Variants in COPS8 observed in about 807,000 individuals in gnomAD.
COPS8 encodes COP9 signalosome subunit 8.
A neutral mutation model predicts 31.5 loss-of-function variants in COPS8; 11 were observed. The ratio of observed to expected loss-of-function variants is 0.35; its 90% CI spans 0.22 to 0.58. COPS8 has a LOEUF of 0.58. Among genes scored for constraint, COPS8 ranks in the 20% least tolerant of loss-of-function variants. The probability of loss-of-function intolerance (pLI) is 0.83; values close to 1 mark genes in which losing one functional copy is unlikely to be tolerated. For missense variants in COPS8, 215 were observed against 255.1 expected (o/e 0.84, Z 1.07); for synonymous variants, 81 against 89.3 (o/e 0.91, Z 0.52).
chr2:237,086,319 A>T (rs1379589041), intron 1 of COPS8, among the ~76,000 whole-genome samples: 1 of 152,088 alleles, frequency 6.6e-6, no homozygotes, highest in East Asian at 1.9e-4. Context: ...GCTCATATTA[A>T]TTAGGCATCT....
intron 3 of COPS8, among the ~76,000 whole-genome samples, 200 bp from the exon 4 acceptor site, chr2:237,089,662 C>T (rs1290815318): frequency 6.6e-6 from 1 of 152,132 alleles, no homozygotes; most frequent in Admixed American, 6.6e-5. Context: ...TAAATTTTAC[C>T]TTACTGCTCA....
intron 4 of COPS8, among the ~76,000 whole-genome samples, chr2:237,091,202 G>A (rs1475940658): frequency 6.6e-6 from 1 of 152,126 alleles, no homozygotes; most frequent in Non-Finnish European, 1.5e-5. Context: ...CCATGAGATT[G>A]AGAATTCCTG....
At chr2:237,086,375 A>C (rs1696612510) in intron 1 of COPS8, among the ~76,000 whole-genome samples, 3 of 152,096 alleles carry the variant, frequency 2.0e-5, no homozygotes, top group Admixed American at 2.0e-4. Flanking sequence ...AGTGGGTTTT[A>C]TTAAAGATCT....
rs186870946 is a variant in COPS8 at position 237,088,445 on chromosome 2, C to T, written c.150-160C>T. Reference sequence around the variant, plus strand: ...CATGTCCTTTTTATCTGGAAAACCACTATTGTTTCCCCAAAACAAATTCAT... The same window carrying T: ...CATGTCCTTTTTATCTGGAAAACCATTATTGTTTCCCCAAAACAAATTCAT... On this transcript the variant is annotated intron_variant, in intron 2 of 7. Coordinates refer to ENST00000354371, the MANE Select transcript of COPS8 (RefSeq NM_006710.5). 3.3e-4 allele frequency among the ~76,000 whole-genome samples: 51 copies of T among 152,302 alleles called. No individual in the cohort carries two copies. The East Asian group carries it at 6.4e-3, about 19-fold the overall frequency.
intron 2 of COPS8, among the ~76,000 whole-genome samples, chr2:237,088,388 A>C (rs1226201284): frequency 6.6e-6 from 1 of 152,232 alleles, no homozygotes; most frequent in African/African-American, 2.4e-5. Context: ...ATTCACTAGA[A>C]ATGGCAAAAT....
In COPS8 at chr2:237,086,036, G is replaced by A; in HGVS notation, c.72G>A (p.Glu24=). ...TGCTGGATCAGTGCGAGAACCAGGA[G>A]CTCGAGGTAACCCTTTGCGTCGCGC... is the stretch of plus-strand genomic sequence containing the variant. The part of the protein sequence containing the change: ...KKLLDQCENQ[E]LEAPGGIATP... Residue 24 remains glutamate (E), a synonymous_variant, in exon 1 of 8, where the codon GAG becomes GAA. Coordinates refer to ENST00000354371, the MANE Select transcript of COPS8 (RefSeq NM_006710.5). The A allele has an allele frequency of 6.2e-7, 1 of 1,613,404 alleles. No individual in the cohort carries two copies. Among genetic ancestry groups the A allele is most frequent in the Non-Finnish European group, 8.5e-7 (1 of 1,179,520 alleles).
intron 1 of COPS8, among the ~76,000 whole-genome samples, 163 bp downstream of exon 1, chr2:237,086,205 G>A (rs1378418665): frequency 6.6e-6 from 1 of 152,088 alleles, no homozygotes; most frequent in African/African-American, 2.4e-5. Context: ...AACCTGCTCC[G>A]ACCGGGCCCG....
chr2:237,093,039 G>A (rs189769776), intron 4 of COPS8, among the ~76,000 whole-genome samples: 277 of 152,286 alleles, frequency 1.8e-3, no homozygotes, highest in African/African-American at 6.2e-3. Flanking sequence ...TAAAGTAGAA[G>A]TGTAAACAAT....
chr2:237,094,310 CTG>C, intron 5 of COPS8, 113 bp downstream of exon 5: 1 of 1,042,354 alleles, frequency 9.6e-7, no homozygotes, highest in Non-Finnish European at 1.4e-6. Context: ...GGAGTCCAGG[CTG>C]TGTTTTTTGA....
chr2:237,091,875 C>CCTGACCTTCCTTCCCAGCCT (rs1335933539), intron 4 of COPS8, among the ~76,000 whole-genome samples: 1 of 152,188 alleles, frequency 6.6e-6, no homozygotes, highest in Non-Finnish European at 1.5e-5. Context: ...AAGTGAATTC[C>CCTGACCTTCCTTCCCAGCCT]CTGACCTTCC....
chr2:237,094,250 A>ACCTACAATTCACAC, intron 5 of COPS8, 53 bp downstream of exon 5: 1 of 1,529,814 alleles, frequency 6.5e-7, no homozygotes, highest in Non-Finnish European at 9.0e-7. Flanking sequence ...AGAAGTGTGA[A>ACCTACAATTCACAC]TTGTAGGTTC....
At chr2:237,095,716 TACTAA>T (rs1385443453) in intron 5 of COPS8, 101 bp from the exon 6 acceptor site, 5 of 726,042 alleles carry the variant, frequency 6.9e-6, no homozygotes, top group Non-Finnish European at 1.2e-5. Context: ...TGACGGGTTA[TACTAA>T]ACACATCAGG....
At chr2:237,094,015 G>A in intron 4 of COPS8, 75 bp from the exon 5 acceptor site, 3 of 1,568,914 alleles carry the variant, frequency 1.9e-6, no homozygotes, top group Admixed American at 1.8e-5. Context: ...CAAGGACAGT[G>A]GTGTGATTTA....
At chr2:237,087,530 A>G in intron 2 of COPS8, 1 of 313,168 alleles carries the variant, frequency 3.2e-6, no homozygotes. Context: ...GTGAAAAGAG[A>G]AGATTGCAGC....
chr2:237,095,036 G>C (rs1444911519), intron 5 of COPS8, among the ~76,000 whole-genome samples: 1 of 152,096 alleles, frequency 6.6e-6, no homozygotes, highest in South Asian at 2.1e-4. Flanking sequence ...TGATTCTCCA[G>C]CTAAAATATG....
At chr2:237,092,407 T>C (rs1696721597) in intron 4 of COPS8, among the ~76,000 whole-genome samples, 1 of 152,222 alleles carries the variant, frequency 6.6e-6, no homozygotes, top group Non-Finnish European at 1.5e-5. Flanking sequence ...CTCCCTTTTA[T>C]CTCCTCCATT....
Position 237,097,742 on chromosome 2 carries a change from A to C in COPS8, c.630A>C (p.Ter210CysextTer32). Residue 210 changes from the stop codon to cysteine, a stop_lost, in exon 8 of 8, where the codon TGA (stop) becomes TGC (cysteine). Coordinates refer to ENST00000354371, the MANE Select transcript of COPS8 (RefSeq NM_006710.5). The stretch of plus-strand genomic sequence containing the variant: ...ATTATGTGGCTTTCCTTGAAAACTG[A>C]TTTATCACTCTGAGTTCAAGATTCA... ...LTDYVAFLEN* is the reference protein window; with the variant it reads ...LTDYVAFLENC The C allele has an allele frequency of 6.2e-7, 1 of 1,605,104 alleles. No homozygotes were observed. The highest frequency in any genetic ancestry group is 8.5e-7 in the Non-Finnish European group (1 of 1,173,458).
At chr2:237,088,337 C>T (rs1442155877) in intron 2 of COPS8, among the ~76,000 whole-genome samples, 2 of 152,238 alleles carry the variant, frequency 1.3e-5, no homozygotes, top group Middle Eastern at 6.8e-3. Context: ...TTTTAGTGTG[C>T]TGTTGCCTAA....
In COPS8 at chr2:237,090,065, A is replaced by T. The variant is rs527698882; in HGVS notation, c.331+71A>T. The T allele has an allele frequency of 3.4e-6, 5 of 1,490,058 alleles. No individual in the cohort carries two copies. The African/African-American group carries it at 7.0e-5, about 21-fold the overall frequency. The allele number at this position is 1,490,058 out of a possible 1,614,324, so 92.3% of individuals were successfully genotyped here. A position where few individuals can be genotyped will look rare whatever the true frequency, so the allele number is the denominator to read the frequency against. On this transcript the variant is annotated intron_variant, in intron 4 of 7. Coordinates refer to ENST00000354371, the MANE Select transcript of COPS8 (RefSeq NM_006710.5). ...CCCTAAGTGCTGCAGTGTTGAAGTA[A>T]TAAATCAGTGGTGTGTGTTTAAGTA...
Sources: gnomAD v4.1 joint callset for allele counts (sites outside exome capture counted in the v4.1 genomes callset) on GRCh38, gnomAD v4.1.1 for gene constraint, MANE v1.5 for transcripts, NCBI Gene and HGNC (gene_info 2026-07-23, HGNC 2026-07-21) for gene names.